ZNF510: variants seen among roughly 807,000 people sequenced by gnomAD.
The protein encoded by ZNF510 is zinc finger protein 510.
Under a neutral mutation model 18.1 loss-of-function variants are expected in ZNF510, and 15 were observed. That is an observed-to-expected ratio of 0.83 (90% CI 0.55 to 1.28). ZNF510 has a LOEUF of 1.28. Among genes scored for constraint, ZNF510 ranks in the 50% most tolerant of loss-of-function variants. The pLI, the probability that ZNF510 is intolerant of heterozygous loss-of-function variation, is 0.00. For synonymous variants in ZNF510, 261 were observed against 266.4 expected (o/e 0.98, Z 0.20); for missense variants, 724 against 791.8 (o/e 0.91, Z 1.03).
intron 5 of ZNF510, among the ~76,000 whole-genome samples, chr9:96,761,286 T>A (rs1849341101): frequency 1.3e-5 from 2 of 152,166 alleles, no homozygotes; most frequent in Admixed American, 6.5e-5. Context: ...CAATTTTAAA[T>A]AGGGTATCAC....
chr9:96,763,732 T>G (rs1280741514), intron 3 of ZNF510, 100 bp from the exon 4 acceptor site: 1 of 1,207,348 alleles, frequency 8.3e-7, no homozygotes, highest in African/African-American at 1.6e-5. Flanking sequence ...TCTAAAAAGC[T>G]TAAACGAATG....
At chr9:96,776,683 G>A (rs1414559916) in intron 1 of ZNF510, among the ~76,000 whole-genome samples, 1 of 152,198 alleles carries the variant, frequency 6.6e-6, no homozygotes, top group African/African-American at 2.4e-5. Flanking sequence ...AAGCTGGGAG[G>A]CTGGGGCAGG....
At chr9:96,764,459 G>A (rs1284368802) in intron 3 of ZNF510, among the ~76,000 whole-genome samples, 4 of 152,120 alleles carry the variant, frequency 2.6e-5, no homozygotes, top group Non-Finnish European at 5.9e-5. Context: ...GCCACTTACC[G>A]CTTTTTAAAT....
chr9:96,775,786 C>G (rs73536607), intron 2 of ZNF510, among the ~76,000 whole-genome samples: 7,321 of 152,194 alleles, frequency 0.048, 584 homozygotes, highest in African/African-American at 0.17. Flanking sequence ...TTTCTAGATG[C>G]TACATGTGAT....
chr9:96,776,081 G>A lies in ZNF510; in HGVS notation c.-12C>T. Reference sequence around the variant, plus strand: ...GGATGTGGCGACATCACCAAGTCTGGTGCTCTCTGGGCAAGGGGATGAAGA... The same window carrying A: ...GGATGTGGCGACATCACCAAGTCTGATGCTCTCTGGGCAAGGGGATGAAGA... On this transcript the variant is annotated 5_prime_UTR_variant, in exon 2 of 6. Coordinates refer to ENST00000223428, the MANE Select transcript of ZNF510 (RefSeq NM_014930.3). 1.3e-6 allele frequency: 2 copies of A among 1,594,998 alleles called. No homozygotes were observed. Among genetic ancestry groups the A allele is most frequent in the Non-Finnish European group, 8.6e-7 (1 of 1,169,374 alleles).
rs566541052 is a variant in ZNF510 at position 96,767,516 on chromosome 9, A to ATACTT, written c.130-3889_130-3885dup. Among the ~76,000 whole-genome samples the ATACTT allele has an allele frequency of 2.6e-4, 40 of 152,098 alleles. No homozygotes were observed. The South Asian group carries it at 8.1e-3, about 31-fold the overall frequency. ...GATCCCAAATCAGTATCCTAATTGT[A>ATACTT]TACTTTAAGGAACTAAATGAGGTGG... On this transcript the variant is annotated intron_variant, in intron 3 of 5. Transcript: ENST00000223428.
rs146249389 is a variant in ZNF510 at position 96,755,245 on chromosome 9, T to C, written c.*3533A>G. ...CCAGTCATAATCCTCAAATATCCTA[T>C]TTAAAAGGGGCAGGAAGAGAGATGA... On this transcript the variant is annotated 3_prime_UTR_variant, in exon 6 of 6. Transcript: ENST00000223428. Among the ~76,000 whole-genome samples, 1,144 of 152,304 alleles carry C rather than the reference T, an allele frequency of 7.5e-3. 14 individuals are homozygous for C. The highest frequency in any genetic ancestry group is 0.026 in the African/African-American group (1,071 of 41,556).
intron 2 of ZNF510, 86 bp downstream of exon 2, chr9:96,775,914 T>G (rs1311851202): frequency 6.6e-7 from 1 of 1,516,852 alleles, no homozygotes; most frequent in Non-Finnish European, 8.9e-7. Flanking sequence ...TATGCCTTCC[T>G]TGGAGACCAT....
chr9:96,760,261 A>AT lies in ZNF510; in HGVS notation c.568dup (p.Ile190AsnfsTer3), dbSNP rs1165405402. ...TGTTGAATAGTTTCTATTATTAATG[A>AT]TAAATTCAGAAATACTTTGCAAATT... On this transcript the variant is annotated frameshift_variant, in exon 6 of 6. Transcript: ENST00000223428. LOFTEE classifies it low-confidence loss of function (END_TRUNC). The AT allele has an allele frequency of 6.2e-7, 1 of 1,612,692 alleles. No individual in the cohort carries two copies. Among genetic ancestry groups the AT allele is most frequent in the Admixed American group, 1.7e-5 (1 of 59,804 alleles).
intron 1 of ZNF510, among the ~76,000 whole-genome samples, chr9:96,776,622 A>G (rs1849709897): frequency 6.6e-6 from 1 of 152,172 alleles, no homozygotes; most frequent in African/African-American, 2.4e-5. Context: ...TAAAAATACA[A>G]AAAATTAGCT....
intron 4 of ZNF510, 53 bp downstream of exon 4, chr9:96,763,453 A>AT (rs1300062735): frequency 1.0e-5 from 16 of 1,547,380 alleles, no homozygotes; most frequent in Non-Finnish European, 1.4e-5. Flanking sequence ...GCACTTAAAA[A>AT]AGAAATACCT....
intron 2 of ZNF510, among the ~76,000 whole-genome samples, chr9:96,775,260 A>G (rs987374350): frequency 3.3e-5 from 5 of 152,086 alleles, no homozygotes; most frequent in African/African-American, 1.2e-4. Context: ...GGGTTTCACC[A>G]TGTAGCTTAG....
chr9:96,754,605 T>A lies in ZNF510; in HGVS notation c.*4173A>T, dbSNP rs1298853695. On this transcript the variant is annotated 3_prime_UTR_variant, in exon 6 of 6. Transcript: ENST00000223428. The stretch of plus-strand genomic sequence containing the variant: ...AAATACATGTTTTGGTTGACAAAGA[T>A]CTGAAGAACAGTTCTGTACACTTCT... 6.6e-6 allele frequency among the ~76,000 whole-genome samples: 1 copy of A among 152,202 alleles called. No individual in the cohort carries two copies. The highest frequency in any genetic ancestry group is 1.5e-5 in the Non-Finnish European group (1 of 68,038).
intron 3 of ZNF510, among the ~76,000 whole-genome samples, chr9:96,770,780 T>G (rs1257177126): frequency 6.6e-6 from 1 of 152,142 alleles, no homozygotes; most frequent in African/African-American, 2.4e-5. Flanking sequence ...GATATGGAAT[T>G]TCCTTTTGAA....
chr9:96,770,528 A>AG (rs1029126871), intron 3 of ZNF510, among the ~76,000 whole-genome samples: 4 of 151,722 alleles, frequency 2.6e-5, no homozygotes, highest in African/African-American at 9.7e-5. Context: ...CTTGAACCTG[A>AG]GGGGGCGGAT....
intron 3 of ZNF510, among the ~76,000 whole-genome samples, chr9:96,770,627 A>G (rs972559200): frequency 6.6e-6 from 1 of 151,778 alleles, no homozygotes; most frequent in Non-Finnish European, 1.5e-5. Context: ...ATATATATAT[A>G]GAAATAGTCA....
At chr9:96,772,358 T>TAC (rs1379880236) in intron 3 of ZNF510, among the ~76,000 whole-genome samples, 1 of 149,970 alleles carries the variant, frequency 6.7e-6, no homozygotes, top group Admixed American at 6.6e-5. Flanking sequence ...TCAAATATGA[T>TAC]ACACAAGGAA....
chr9:96,772,848 G>A (rs774980974), intron 3 of ZNF510, among the ~76,000 whole-genome samples: 15 of 152,152 alleles, frequency 9.9e-5, no homozygotes, highest in Non-Finnish European at 1.9e-4. Flanking sequence ...TTTATTCTAT[G>A]AACCAGCAAT....
At chr9:96,775,470 ATAT>A (rs1232458285) in intron 2 of ZNF510, among the ~76,000 whole-genome samples, 1 of 152,210 alleles carries the variant, frequency 6.6e-6, no homozygotes, top group Non-Finnish European at 1.5e-5. Flanking sequence ...TATTCTGTTA[ATAT>A]TATTTACACC....
Sources: gnomAD v4.1 joint callset for allele counts (sites outside exome capture counted in the v4.1 genomes callset) on GRCh38, gnomAD v4.1.1 for gene constraint, MANE v1.5 for transcripts, NCBI Gene and HGNC (gene_info 2026-07-23, HGNC 2026-07-21) for gene names.